NAV3: variants seen among roughly 807,000 people sequenced by gnomAD.
NAV3 encodes the protein pore membrane and/or filament interacting like protein 1.
Under a neutral mutation model 244.7 loss-of-function variants are expected in NAV3, and 87 were observed. That is an observed-to-expected ratio of 0.36 (90% CI 0.30 to 0.42). The LOEUF (loss-of-function observed/expected upper bound fraction) is 0.42, where lower values mean the gene tolerates loss of function less well. Among genes scored for constraint, NAV3 ranks in the 20% least tolerant of loss-of-function variants. The probability of loss-of-function intolerance (pLI) is 1.00; values close to 1 mark genes in which losing one functional copy is unlikely to be tolerated. For missense variants in NAV3, 2,663 were observed against 2,893.3 expected (o/e 0.92, Z 1.83); for synonymous variants, 1,126 against 1,042.2 (o/e 1.08, Z -1.55).
At chr12:77,868,646 C>T (rs966129479) in intron 1 of NAV3, among the ~76,000 whole-genome samples, 2 of 151,220 alleles carry the variant, frequency 1.3e-5, no homozygotes, top group African/African-American at 4.9e-5. Context: ...GTCCCAGCTC[C>T]TCAGGTGGCT....
chr12:78,118,201 T>C lies in NAV3; in HGVS notation c.2944T>C (p.Ser982Pro), dbSNP rs371371984. The change falls in exon 14 of 40, where the codon TCT becomes CCT. Residue 982 changes from serine (S) to proline (P), a missense_variant. Physicochemically the swap from Ser to Pro is moderately conservative, Grantham distance 74. Transcript: ENST00000397909. ...PEKAGQKASL[S>P]VSQTGSWRRG... ...GAAGGCAGGGCAGAAAGCTTCCCTG[T>C]CTGTTTCACAGACAGGTTCCTGGAG... 6.2e-6 allele frequency: 10 copies of C among 1,612,624 alleles called. No homozygotes were observed. The highest frequency in any genetic ancestry group is 1.3e-5 in the African/African-American group (1 of 74,492).
intron 5 of NAV3, among the ~76,000 whole-genome samples, chr12:77,974,309 T>C (rs1411735756): frequency 6.6e-6 from 1 of 152,116 alleles, no homozygotes; most frequent in African/African-American, 2.4e-5. Context: ...TGAGATAGAA[T>C]CTTGCTCTGT....
At chr12:77,604,287 G>A (rs1295586932) in intron 2 of NAV3, among the ~76,000 whole-genome samples, 1 of 152,038 alleles carries the variant, frequency 6.6e-6, no homozygotes, top group African/African-American at 2.4e-5. Flanking sequence ...GGATCAGTGA[G>A]TGTAGCAGAA....
chr12:77,602,820 C>A (rs1017449362), intron 2 of NAV3, among the ~76,000 whole-genome samples: 1 of 152,002 alleles, frequency 6.6e-6, no homozygotes, highest in Non-Finnish European at 1.5e-5. Context: ...AGGGTCTAAT[C>A]ACAATAACCT....
chr12:77,768,219 G>T (rs1869883052), intron 2 of NAV3, among the ~76,000 whole-genome samples: 1 of 152,186 alleles, frequency 6.6e-6, no homozygotes, highest in African/African-American at 2.4e-5. Flanking sequence ...CCTGGAAAAA[G>T]CACCATAAGT....
chr12:78,041,946 T>G (rs1321509629), intron 9 of NAV3, among the ~76,000 whole-genome samples: 1 of 152,074 alleles, frequency 6.6e-6, no homozygotes, highest in Non-Finnish European at 1.5e-5. Context: ...GTTCCCTTTC[T>G]TTTTCTTCCA....
rs200580378 is a variant in NAV3, at chr12:77,972,989, T to TA, written c.671+4297dup. ...AAGAATACCTGGAAAAACATTACAG[T>TA]AAAAAAAAAATAAAATGAAACTTAA... On this transcript the variant is annotated intron_variant, in intron 5 of 39. Coordinates refer to ENST00000397909, the MANE Select transcript of NAV3 (RefSeq NM_001024383.2). Among the ~76,000 whole-genome samples the TA allele has an allele frequency of 4.2e-4, 62 of 149,202 alleles. 1 individual carries two copies. The South Asian group carries it at 4.9e-3, about 12-fold the overall frequency.
chr12:77,725,256 A>G (rs773447560), intron 2 of NAV3, among the ~76,000 whole-genome samples: 3 of 151,982 alleles, frequency 2.0e-5, no homozygotes, highest in Non-Finnish European at 4.4e-5. Flanking sequence ...TAAAATAGTA[A>G]AAGGGTAATA....
chr12:77,644,570 T>G (rs1802770236), intron 2 of NAV3, among the ~76,000 whole-genome samples: 1 of 152,070 alleles, frequency 6.6e-6, no homozygotes, highest in Non-Finnish European at 1.5e-5. Context: ...TTTTAATTGT[T>G]GACTTTTGAC....
chr12:78,013,270 G>A (rs1313792001), intron 8 of NAV3, among the ~76,000 whole-genome samples: 1 of 152,076 alleles, frequency 6.6e-6, no homozygotes, highest in Non-Finnish European at 1.5e-5. Context: ...CAATGTGGTA[G>A]ACAAGGGGCA....
chr12:78,186,642 T>G (rs899862136), intron 31 of NAV3, among the ~76,000 whole-genome samples: 4 of 151,324 alleles, frequency 2.6e-5, no homozygotes, highest in African/African-American at 9.7e-5. Flanking sequence ...AAATAAGATT[T>G]CCTGTTCACA....
intron 1 of NAV3, among the ~76,000 whole-genome samples, chr12:77,928,169 G>A (rs1184996123): frequency 4.8e-5 from 7 of 145,408 alleles, no homozygotes; most frequent in Admixed American, 4.3e-4. Context: ...GTTGTAGTGA[G>A]CCGAGACTGC....
chr12:78,059,947 C>G (rs943920717), intron 12 of NAV3, among the ~76,000 whole-genome samples: 2 of 148,824 alleles, frequency 1.3e-5, no homozygotes, highest in African/African-American at 2.4e-5. Context: ...TTTATTGCCT[C>G]AAATTTCTTA....
At chr12:77,787,129 G>A (rs1006298065) in intron 2 of NAV3, among the ~76,000 whole-genome samples, 3 of 151,954 alleles carry the variant, frequency 2.0e-5, no homozygotes, top group African/African-American at 7.3e-5. Flanking sequence ...TGTCCCACTT[G>A]TCCTTTAAGA....
chr12:78,197,158 G>T, intron 34 of NAV3, 89 bp from the exon 35 acceptor site: 2 of 973,798 alleles, frequency 2.1e-6, no homozygotes, highest in Non-Finnish European at 1.4e-6. Flanking sequence ...ACGGAATAGA[G>T]GACAAAGAGT....
intron 1 of NAV3, among the ~76,000 whole-genome samples, chr12:77,878,514 C>T (rs1264149670): frequency 1.3e-5 from 2 of 151,776 alleles, no homozygotes; most frequent in African/African-American, 2.4e-5. Context: ...CAGGCGTGAA[C>T]CACCACACCC....
chr12:78,115,130 T>C (rs1407463426), intron 12 of NAV3, among the ~76,000 whole-genome samples: 1 of 152,208 alleles, frequency 6.6e-6, no homozygotes, highest in Non-Finnish European at 1.5e-5. Flanking sequence ...AGTTCACCAT[T>C]TCTTTGTAGT....
intron 12 of NAV3, among the ~76,000 whole-genome samples, chr12:78,090,185 G>T (rs1393570713): frequency 6.8e-6 from 1 of 147,178 alleles, no homozygotes; most frequent in Non-Finnish European, 1.5e-5. Context: ...AAATATATAT[G>T]TGTGTATATA....
intron 15 of NAV3, among the ~76,000 whole-genome samples, chr12:78,121,465 C>T (rs1004338014): frequency 1.3e-5 from 2 of 152,004 alleles, no homozygotes; most frequent in Non-Finnish European, 2.9e-5. Context: ...ACTCCCTAAA[C>T]TTGCTTTAAG....
Sources: allele counts gnomAD v4.1 joint callset (sites outside exome capture counted in the v4.1 genomes callset), GRCh38; gene constraint gnomAD v4.1.1; transcripts MANE v1.5; gene names NCBI Gene and HGNC (gene_info 2026-07-23, HGNC 2026-07-21).